TEAD4: variants seen among roughly 807,000 people sequenced by gnomAD.
TEAD4 encodes the protein TEA domain transcription factor 4, also known as transcriptional enhancer factor TEF-3.
Under a neutral mutation model 52.4 loss-of-function variants are expected in TEAD4, and 36 were observed. The observed-to-expected ratio is 0.69, with a 90% CI of 0.53 to 0.91. TEAD4 has a LOEUF of 0.91. Among genes scored for constraint, TEAD4 ranks in the 40% least tolerant of loss-of-function variants. The pLI is 0.00. For synonymous variants in TEAD4, 220 were observed against 231.0 expected, an observed-to-expected ratio of 0.95 and a Z score of 0.43; for missense variants, 508 against 583.9, an observed-to-expected ratio of 0.87 and a Z score of 1.34.
rs150530428 is a variant in TEAD4 at position 3,030,590 on chromosome 12, TG to T, written c.898-7376del. On this transcript the variant is annotated intron_variant, in intron 10 of 12. Transcript: ENST00000359864. ...AAGCTTGCCCAGCTCTCTTGTCAGC[TG>T]GTCTCTTTGTTTTCTTTATCTTTGT... 2.5e-3 allele frequency among the ~76,000 whole-genome samples: 377 copies of T among 152,346 alleles called. 5 individuals carry two copies. In the East Asian group the frequency reaches 0.066, roughly 27 times the overall value.
intron 3 of TEAD4, among the ~76,000 whole-genome samples, chr12:3,001,101 C>T (rs1380531155): frequency 6.6e-6 from 1 of 152,244 alleles, no homozygotes; most frequent in Non-Finnish European, 1.5e-5. Context: ...CAAATCTACT[C>T]TGTCCCTGAG....
At chr12:2,966,820 C>T (rs1292127022) in intron 2 of TEAD4, among the ~76,000 whole-genome samples, 3 of 152,248 alleles carry the variant, frequency 2.0e-5, no homozygotes, top group Non-Finnish European at 2.9e-5. Flanking sequence ...GATTCTCCTG[C>T]CTCAGCTTCC....
intron 2 of TEAD4, among the ~76,000 whole-genome samples, chr12:2,985,667 G>A (rs1450668947): frequency 6.6e-6 from 1 of 151,206 alleles, no homozygotes; most frequent in Non-Finnish European, 1.5e-5. Context: ...CATCATGCCT[G>A]GCTAATTTTT....
chr12:2,982,699 G>A (rs1010548784), intron 2 of TEAD4, among the ~76,000 whole-genome samples: 4 of 152,198 alleles, frequency 2.6e-5, no homozygotes, highest in African/African-American at 9.7e-5. Context: ...CGTGGGGCTG[G>A]GAGCAACCCC....
intron 10 of TEAD4, among the ~76,000 whole-genome samples, chr12:3,034,931 TAA>T (rs35998140): frequency 2.1e-5 from 3 of 146,024 alleles, no homozygotes; most frequent in African/African-American, 5.0e-5. Flanking sequence ...CCACCTCTAC[TAA>T]AAAAAAAAAA....
At chr12:2,975,932 C>G (rs2098229286) in intron 2 of TEAD4, among the ~76,000 whole-genome samples, 1 of 152,076 alleles carries the variant, frequency 6.6e-6, no homozygotes, top group South Asian at 2.1e-4. Flanking sequence ...GAATCATACA[C>G]TATGTGGCCT....
chr12:2,971,859 C>T (rs2098225430), intron 2 of TEAD4, among the ~76,000 whole-genome samples: 1 of 142,520 alleles, frequency 7.0e-6, no homozygotes, highest in Non-Finnish European at 1.5e-5. Context: ...ATCACCCAGG[C>T]TGGAGTGCAG....
intron 11 of TEAD4, among the ~76,000 whole-genome samples, 190 bp downstream of exon 11, chr12:3,038,298 C>T (rs1386315029): frequency 6.6e-6 from 1 of 152,228 alleles, no homozygotes; most frequent in African/African-American, 2.4e-5. Context: ...GCCCAGCTAA[C>T]CAGAGCCATT....
chr12:3,020,587 G>T, intron 8 of TEAD4, 47 bp from the exon 9 acceptor site: 2 of 1,487,220 alleles, frequency 1.3e-6, no homozygotes, highest in Non-Finnish European at 1.8e-6. Context: ...TGCGGGCAGG[G>T]CGGGTGTCCG....
intron 6 of TEAD4, 30 bp downstream of exon 6, chr12:3,017,556 G>C (rs528496006): frequency 1.3e-6 from 2 of 1,598,556 alleles, no homozygotes; most frequent in Non-Finnish European, 1.7e-6. Context: ...CTGGAGGCCA[G>C]GCCAGCCCTC....
At chr12:3,037,612 A>G (rs1435432145) in intron 10 of TEAD4, among the ~76,000 whole-genome samples, 1 of 152,208 alleles carries the variant, frequency 6.6e-6, no homozygotes, top group Non-Finnish European at 1.5e-5. Context: ...ACTGGTAGAG[A>G]TTCAAACCTT....
chr12:2,979,234 G>A (rs546763577), intron 2 of TEAD4, among the ~76,000 whole-genome samples: 20 of 152,140 alleles, frequency 1.3e-4, no homozygotes, highest in Non-Finnish European at 2.5e-4. Context: ...TTTTAAGGTC[G>A]AATCATCCTC....
intron 3 of TEAD4, among the ~76,000 whole-genome samples, chr12:3,006,299 G>A (rs2098255906): frequency 6.6e-6 from 1 of 152,112 alleles, no homozygotes. Context: ...CAAGTATATA[G>A]TGCAGATAGC....
At chr12:3,020,916 C>T (rs1057176619) in intron 9 of TEAD4, 143 bp downstream of exon 9, 12 of 902,364 alleles carry the variant, frequency 1.3e-5, no homozygotes, top group Admixed American at 7.3e-5. Flanking sequence ...CCCTTCCCCC[C>T]ACTCCTCCTT....
intron 2 of TEAD4, among the ~76,000 whole-genome samples, chr12:2,979,583 T>C (rs546666475): frequency 6.6e-6 from 1 of 152,338 alleles, no homozygotes; most frequent in African/African-American, 2.4e-5. Context: ...ACTGTGAAGA[T>C]ACTGGGAGTA....
intron 10 of TEAD4, among the ~76,000 whole-genome samples, chr12:3,024,628 G>T (rs1416958967): frequency 5.9e-5 from 9 of 152,096 alleles, no homozygotes; most frequent in Non-Finnish European, 1.0e-4. Flanking sequence ...TTGCATTCCA[G>T]CCGGGTGACA....
chr12:3,007,935 A>G (rs893764798), intron 3 of TEAD4, among the ~76,000 whole-genome samples: 1 of 152,218 alleles, frequency 6.6e-6, no homozygotes, highest in Non-Finnish European at 1.5e-5. Context: ...AGGCTAAAAC[A>G]GTTACGGGAC....
At chr12:3,027,922 C>T (rs1319287056) in intron 10 of TEAD4, among the ~76,000 whole-genome samples, 2 of 152,108 alleles carry the variant, frequency 1.3e-5, no homozygotes, top group Non-Finnish European at 2.9e-5. Context: ...GTTGTGCAAC[C>T]ATCACCACAA....
At chr12:3,007,139 A>G (rs1418849522) in intron 3 of TEAD4, among the ~76,000 whole-genome samples, 1 of 152,164 alleles carries the variant, frequency 6.6e-6, no homozygotes, top group Non-Finnish European at 1.5e-5. Flanking sequence ...CTAGCAGCAG[A>G]GCCCTGGAAC....
Sources: gnomAD v4.1 joint callset for allele counts (sites outside exome capture counted in the v4.1 genomes callset) on GRCh38, gnomAD v4.1.1 for gene constraint, MANE v1.5 for transcripts, NCBI Gene and HGNC (gene_info 2026-07-23, HGNC 2026-07-21) for gene names.